The following ADCY8 variants were observed in gnomAD, a reference collection of about 807,000 sequenced individuals.
ADCY8 encodes adenylate cyclase type 8.
Under a neutral mutation model 119.7 loss-of-function variants are expected in ADCY8, and 51 were observed. The observed-to-expected ratio is 0.43, with a 90% confidence interval of 0.34 to 0.54. The LOEUF is 0.54. Ranked by LOEUF, ADCY8 falls within the 20% of genes least tolerant of loss-of-function variation. The pLI is 0.03. For missense variants in ADCY8, 1,383 were observed against 1,598.8 expected, an observed-to-expected ratio of 0.87 and a Z score of 2.30; for synonymous variants, 665 against 651.0, an observed-to-expected ratio of 1.02 and a Z score of -0.33.
At chr8:130,869,488 G>T (rs1457540126) in intron 8 of ADCY8, among the ~76,000 whole-genome samples, 2 of 140,374 alleles carry the variant, frequency 1.4e-5, no homozygotes, top group Admixed American at 7.1e-5. Flanking sequence ...TTGGCTTACT[G>T]TTTTTTTTTT....
At chr8:130,789,822 A>G (rs907043590) in intron 15 of ADCY8, among the ~76,000 whole-genome samples, 2 of 152,154 alleles carry the variant, frequency 1.3e-5, no homozygotes, top group African/African-American at 4.8e-5. Flanking sequence ...TCACCTGGGA[A>G]CTTGGTTGAG....
At chr8:130,785,334 A>ACACCCCCATGTTGT in intron 16 of ADCY8, 49 bp downstream of exon 16, 1 of 1,357,178 alleles carries the variant, frequency 7.4e-7, no homozygotes, top group Non-Finnish European at 1.0e-6. Context: ...TGACATGACA[A>ACACCCCCATGTTGT]CAGCAAGACC....
intron 8 of ADCY8, among the ~76,000 whole-genome samples, chr8:130,869,810 C>T (rs772477020): frequency 3.3e-5 from 5 of 152,020 alleles, no homozygotes; most frequent in Admixed American, 6.6e-5. Flanking sequence ...AGCCACTGCA[C>T]CCGGCCGGCT....
At chr8:130,844,291 T>G (rs1817233053) in intron 11 of ADCY8, among the ~76,000 whole-genome samples, 1 of 152,202 alleles carries the variant, frequency 6.6e-6, no homozygotes, top group Non-Finnish European at 1.5e-5. Context: ...TCTCCTTGAC[T>G]ACTCTCCAAC....
At chr8:130,868,524 G>A (rs756780878) in intron 8 of ADCY8, among the ~76,000 whole-genome samples, 7 of 152,166 alleles carry the variant, frequency 4.6e-5, no homozygotes, top group Non-Finnish European at 1.0e-4. Context: ...GGGAATGGTG[G>A]TAACTTTATT....
chr8:131,006,017 TTCTC>T (rs144960309), intron 1 of ADCY8, among the ~76,000 whole-genome samples: 15 of 150,914 alleles, frequency 9.9e-5, no homozygotes, highest in South Asian at 4.2e-4. Context: ...CCACTCCAAA[TTCTC>T]TCTCTCTCTC....
chr8:130,836,589 C>T (rs1816995761), intron 11 of ADCY8, 140 bp from the exon 12 acceptor site: 1 of 821,862 alleles, frequency 1.2e-6, no homozygotes, highest in Non-Finnish European at 1.9e-6. Context: ...TTCAACAGGT[C>T]CCAAATCAAA....
intron 5 of ADCY8, among the ~76,000 whole-genome samples, chr8:130,931,810 A>G (rs1820637641): frequency 6.6e-6 from 1 of 152,038 alleles, no homozygotes; most frequent in South Asian, 2.1e-4. Context: ...TCACTCCATT[A>G]AGTTTCTTGT....
intron 9 of ADCY8, among the ~76,000 whole-genome samples, chr8:130,857,995 T>C (rs1236895185): frequency 6.6e-6 from 1 of 152,202 alleles, no homozygotes; most frequent in South Asian, 2.1e-4. Context: ...ATTATCCCCA[T>C]TGCAGCTCAA....
At chr8:130,928,614 T>C (rs1040965256) in intron 5 of ADCY8, among the ~76,000 whole-genome samples, 6 of 152,254 alleles carry the variant, frequency 3.9e-5, no homozygotes, top group Non-Finnish European at 1.5e-5. Flanking sequence ...CATCCTGGGA[T>C]GAATCCTACT....
At chr8:130,861,603 A>G (rs781003936) in intron 9 of ADCY8, among the ~76,000 whole-genome samples, 2 of 152,158 alleles carry the variant, frequency 1.3e-5, no homozygotes, top group Non-Finnish European at 2.9e-5. Flanking sequence ...TCTGTATAGA[A>G]AGTTATGTCA....
rs371743763 is a variant in ADCY8 at position 130,926,310 on chromosome 8, A to G, written c.1481+10763T>C. Among the ~76,000 whole-genome samples, 779 of 88,052 alleles carry G rather than the reference A, an allele frequency of 8.8e-3. 5 individuals are homozygous for G. Among genetic ancestry groups the G allele is most frequent in the African/African-American group, 0.027 (751 of 28,232 alleles). 57.8% of individuals were successfully genotyped at this position (88,052 alleles called of 152,430 possible). On this transcript the variant is annotated intron_variant, in intron 5 of 17. Coordinates refer to ENST00000286355, the MANE Select transcript of ADCY8 (RefSeq NM_001115.3). The stretch of plus-strand genomic sequence containing the variant: ...CATTGTTCAAGCCTTTGTTTCCAGG[A>G]AAAAAAAAAAAACCTTTGGTTCTTG...
chr8:130,924,617 C>A (rs1820407909), intron 5 of ADCY8, among the ~76,000 whole-genome samples: 1 of 152,098 alleles, frequency 6.6e-6, no homozygotes. Flanking sequence ...CCGTACCATC[C>A]CTACTGGATG....
chr8:131,005,095 C>T (rs543204578), intron 1 of ADCY8, among the ~76,000 whole-genome samples: 2 of 152,260 alleles, frequency 1.3e-5, no homozygotes, highest in African/African-American at 4.8e-5. Flanking sequence ...ATTACAGTCT[C>T]TTCACATGCA....
intron 2 of ADCY8, among the ~76,000 whole-genome samples, chr8:130,965,586 T>A (rs1821737905): frequency 6.6e-6 from 1 of 152,232 alleles, no homozygotes; most frequent in Admixed American, 6.5e-5. Context: ...AATGTTATGT[T>A]CTTACAACAT....
chr8:130,993,578 T>A (rs1230089285), intron 1 of ADCY8, among the ~76,000 whole-genome samples: 2 of 152,186 alleles, frequency 1.3e-5, no homozygotes. Context: ...AAATCATGGC[T>A]ATGGTTTCCC....
intron 9 of ADCY8, among the ~76,000 whole-genome samples, chr8:130,855,564 T>C (rs1817702735): frequency 6.6e-6 from 1 of 151,980 alleles, no homozygotes; most frequent in Non-Finnish European, 1.5e-5. Context: ...CATCAAGGCT[T>C]GCTCCCCTCC....
At chr8:130,896,237 G>C (rs1020925503) in intron 7 of ADCY8, among the ~76,000 whole-genome samples, 1 of 152,034 alleles carries the variant, frequency 6.6e-6, no homozygotes, top group South Asian at 2.1e-4. Flanking sequence ...ACTAAGCTCC[G>C]GAGTGCTTGC....
At chr8:130,791,464 C>G (rs1815424263) in intron 15 of ADCY8, among the ~76,000 whole-genome samples, 1 of 152,238 alleles carries the variant, frequency 6.6e-6, no homozygotes. Flanking sequence ...TAAGAAATTG[C>G]TTACGACATA....
Sources: gnomAD v4.1 joint callset for allele counts (sites outside exome capture counted in the v4.1 genomes callset) on GRCh38, gnomAD v4.1.1 for gene constraint, MANE v1.5 for transcripts, NCBI Gene and HGNC (gene_info 2026-07-23, HGNC 2026-07-21) for gene names.